Variants in ZNF561 observed in about 807,000 individuals in gnomAD.
ZNF561 encodes zinc finger protein 561.
ZNF561 carries 16 observed loss-of-function variants against 16.7 expected under a neutral mutation model. That is an observed-to-expected ratio of 0.96 (90% CI 0.65 to 1.45). The LOEUF (loss-of-function observed/expected upper bound fraction) is 1.45. Among genes scored for constraint, ZNF561 ranks in the 40% most tolerant of loss-of-function variants. The pLI is 0.00. For synonymous variants in ZNF561, 190 were observed against 192.1 expected, an observed-to-expected ratio of 0.99 and a Z score of 0.09; for missense variants, 580 against 578.0, an observed-to-expected ratio of 1.00 and a Z score of -0.04.
At chr19:9,617,609 T>G in intron 3 of ZNF561, 1 of 453,606 alleles carries the variant, frequency 2.2e-6, no homozygotes, top group Admixed American at 2.4e-5. Flanking sequence ...TGGGCTGAAG[T>G]GGTCCTCTCA....
intron 2 of ZNF561, among the ~76,000 whole-genome samples, chr19:9,618,725 C>CA (rs879286327): frequency 1.5e-3 from 199 of 130,998 alleles, no homozygotes; most frequent in Middle Eastern, 3.9e-3. Flanking sequence ...GACTCCGTCT[C>CA]AAAAAAAAAA....
In ZNF561 at chr19:9,611,278, C is replaced by T; in HGVS notation, c.383G>A (p.Arg128Lys). Residue 128 changes from arginine (R) to lysine (K), a missense_variant, in exon 6 of 6, where the codon AGG (arginine) becomes AAG (lysine). By Grantham distance (26) the Arg-to-Lys change is conservative. Coordinates refer to ENST00000302851, the MANE Select transcript of ZNF561 (RefSeq NM_152289.3). ...GTGTGTCTTAAGGCAAAACTGTTCC[C>T]TGAAGACCTCTCCACAATTCTTACA... ...CDCKNCGEVFREQFCLKTHMR... is the reference protein window; with the variant it reads ...CDCKNCGEVFKEQFCLKTHMR... 1.2e-6 allele frequency: 2 copies of T among 1,613,950 alleles called. No individual in the cohort carries two copies. The highest frequency in any genetic ancestry group is 1.6e-4 in the Middle Eastern group (1 of 6,062).
Position 9,607,669 on chromosome 19 carries a change from T to G in ZNF561, c.*2531A>C, listed in dbSNP as rs1273208421. ...TTGGTGGTGTGCTGGAGGTTGAAATTAGTCCAGTAAAGCAAGAAAATATAT... is the reference window on the plus strand; with the variant it reads ...TTGGTGGTGTGCTGGAGGTTGAAATGAGTCCAGTAAAGCAAGAAAATATAT... On this transcript the variant is annotated 3_prime_UTR_variant, in exon 6 of 6. Coordinates refer to ENST00000302851, the MANE Select transcript of ZNF561 (RefSeq NM_152289.3). 1.2e-4 allele frequency: 19 copies of G among 152,274 alleles called. No individual in the cohort carries two copies. The highest frequency in any genetic ancestry group is 4.4e-5 in the Non-Finnish European group (3 of 68,030). The allele number at this position is 152,274 out of a possible 1,614,324, so 9.4% of individuals were successfully genotyped here. A position where few individuals can be genotyped will look rare whatever the true frequency, so the allele number is the denominator to read the frequency against.
intron 4 of ZNF561, 135 bp from the exon 5 acceptor site, chr19:9,614,238 C>T (rs1012324199): frequency 2.8e-6 from 3 of 1,073,084 alleles, no homozygotes; most frequent in Non-Finnish European, 2.7e-6. Flanking sequence ...TTTGGTACAT[C>T]AAAAATTTGG....
rs1310283345 is a variant in ZNF561 at position 9,611,146 on chromosome 19, T to A, written c.515A>T (p.Asn172Ile). 1.2e-6 allele frequency: 2 copies of A among 1,613,870 alleles called. No homozygotes were observed. The highest frequency in any genetic ancestry group is 1.7e-6 in the Non-Finnish European group (2 of 1,179,898). Reference sequence around the variant, plus strand: ...TAGAGTAAAGACTTTTCCACATGGATTAAATTTGGAAAGTTCCTGTCCAGT... The same window carrying A: ...TAGAGTAAAGACTTTTCCACATGGAATAAATTTGGAAAGTTCCTGTCCAGT... ...ASTGQELSKF[N>I]PCGKVFTLTP... Residue 172 changes from asparagine to isoleucine, a missense_variant, in exon 6 of 6, where the codon AAT becomes ATT. By Grantham distance (149) the Asn-to-Ile change is moderately radical. Coordinates refer to ENST00000302851, the MANE Select transcript of ZNF561 (RefSeq NM_152289.3).
chr19:9,619,497 G>GT lies in ZNF561; in HGVS notation c.-42_-41insA. On this transcript the variant is annotated 5_prime_UTR_variant, in exon 2 of 6. Transcript: ENST00000302851. ...GTGTGATGATGTGCATCCCTTCCTT[G>GT]ATGCCAAGATCACCTCAGGCCAGCT... 6.2e-7 allele frequency: 1 copy of GT among 1,610,684 alleles called. No homozygotes were observed. Among genetic ancestry groups the GT allele is most frequent in the Non-Finnish European group, 8.5e-7 (1 of 1,177,604 alleles).
intron 4 of ZNF561, 170 bp downstream of exon 4, chr19:9,616,875 T>C: frequency 1.2e-6 from 1 of 820,042 alleles, no homozygotes; most frequent in Non-Finnish European, 1.8e-6. Context: ...ATTACAGGCA[T>C]GAGCCACTGC....
rs2074388152 is a variant in ZNF561 at position 9,608,401 on chromosome 19, C to G, written c.*1799G>C. On this transcript the variant is annotated 3_prime_UTR_variant, in exon 6 of 6. Coordinates refer to ENST00000302851, the MANE Select transcript of ZNF561 (RefSeq NM_152289.3). ...AAGAGAGCTCTCGCCAGAAGTTGAC[C>G]ATGCTGGCACTCTGATCTCAGACTT... 6.6e-6 allele frequency: 1 copy of G among 152,042 alleles called. No homozygotes were observed. Among genetic ancestry groups the G allele is most frequent in the Non-Finnish European group, 1.5e-5 (1 of 68,034 alleles). The allele number at this position is 152,042 out of a possible 1,614,324, so 9.4% of individuals were successfully genotyped here.
chr19:9,616,598 A>AT lies in ZNF561; in HGVS notation c.241+446dup, dbSNP rs34124483. Among the ~76,000 whole-genome samples the AT allele has an allele frequency of 4.4e-3, 628 of 141,222 alleles. 7 individuals carry two copies. The highest frequency in any genetic ancestry group is 5.3e-3 in the Non-Finnish European group (340 of 64,396). The allele number at this position is 141,222 out of a possible 152,430, so 92.6% of individuals were successfully genotyped here. On this transcript the variant is annotated intron_variant, in intron 4 of 5. Transcript: ENST00000302851. ...AACCGGCCTAGTCTTCATTTTTAGG[A>AT]TTTTTTTTTTTGAGATGGAGTCTCA...
Position 9,610,286 on chromosome 19 carries a change from C to A in ZNF561, c.1375G>T (p.Ala459Ser). 6.2e-7 allele frequency: 1 copy of A among 1,614,072 alleles called. No homozygotes were observed. The highest frequency in any genetic ancestry group is 8.5e-7 in the Non-Finnish European group (1 of 1,179,982). The change falls in exon 6 of 6, where the codon GCT becomes TCT. Residue 459 changes from alanine (A) to serine (S), a missense_variant. Ala to Ser is a moderately conservative substitution (Grantham distance 99, BLOSUM62 1). Transcript: ENST00000302851. Reference sequence around the variant, plus strand: ...TGTCTACTTAGGCGTGAGGAAACAGCAAATGCTTTCCCACATTCTTTACAT... The same window carrying A: ...TGTCTACTTAGGCGTGAGGAAACAGAAAATGCTTTCCCACATTCTTTACAT... ...FVCKECGKAF[A>S]VSSRLSRHER...
intron 5 of ZNF561, among the ~76,000 whole-genome samples, chr19:9,613,241 C>T (rs893329885): frequency 1.3e-5 from 2 of 152,180 alleles, no homozygotes; most frequent in Non-Finnish European, 2.9e-5. Context: ...TCCAGAGATC[C>T]TGCTCCCTCA....
rs760222068 is a variant in ZNF561 at position 9,610,544 on chromosome 19, C to T, written c.1117G>A (p.Ala373Thr). ...ATAAGACTTGTGGATGTAGTGAAGG[C>T]TTTCCCACATTCCTTACACTGATAG... is the stretch of plus-strand genomic sequence containing the variant. ...KPYQCKECGKAFTTSTSLIQH... is the reference protein window; with the variant it reads ...KPYQCKECGKTFTTSTSLIQH... Residue 373 changes from alanine to threonine, a missense_variant, in exon 6 of 6, where the codon GCC becomes ACC. Ala to Thr is a moderately conservative substitution (Grantham distance 58). Coordinates refer to ENST00000302851, the MANE Select transcript of ZNF561 (RefSeq NM_152289.3). The T allele has an allele frequency of 1.9e-6, 3 of 1,613,942 alleles. No homozygotes were observed. The East Asian group carries it at 6.7e-5, about 36-fold the overall frequency.
Position 9,610,665 on chromosome 19 carries a change from A to T in ZNF561, c.996T>A (p.Thr332=). 2 of 1,614,128 alleles carry T rather than the reference A, an allele frequency of 1.2e-6. No individual in the cohort carries two copies. Among genetic ancestry groups the T allele is most frequent in the Non-Finnish European group, 1.7e-6 (2 of 1,180,014 alleles). The change falls in exon 6 of 6, where the codon ACT becomes ACA. Residue 332 remains threonine, a synonymous_variant. Coordinates refer to ENST00000302851, the MANE Select transcript of ZNF561 (RefSeq NM_152289.3). ...TQLTEHVRTH[T]GIKPYECKEC... Reference sequence around the variant, plus strand: ...CCTTACATTCATAGGGTTTTATTCCAGTGTGAGTTCTTACATGTTCAGTAA... The same window carrying T: ...CCTTACATTCATAGGGTTTTATTCCTGTGTGAGTTCTTACATGTTCAGTAA...
chr19:9,608,826 T>TA lies in ZNF561; in HGVS notation c.*1373dup, dbSNP rs58392835. The TA allele has an allele frequency of 2.0e-5, 3 of 152,202 alleles. No homozygotes were observed. The highest frequency in any genetic ancestry group is 4.8e-5 in the African/African-American group (2 of 41,432). 9.4% of individuals were successfully genotyped at this position (152,202 alleles called of 1,614,324 possible). A position where few individuals can be genotyped will look rare whatever the true frequency, so the allele number is the denominator to read the frequency against. ...GTTATGTATCACTAAGATCTGTACT[T>TA]AAAGTGTTAAAGGACACAGGAAGCT... On this transcript the variant is annotated 3_prime_UTR_variant, in exon 6 of 6. Transcript: ENST00000302851.
At position 9,610,874 on chromosome 19, in the gene ZNF561, T is replaced by C. The variant is rs2074439579; in HGVS notation, c.787A>G (p.Thr263Ala). The C allele has an allele frequency of 6.2e-7, 1 of 1,614,160 alleles. No homozygotes were observed. The highest frequency in any genetic ancestry group is 8.5e-7 in the Non-Finnish European group (1 of 1,180,010). The change falls in exon 6 of 6, where the codon ACT becomes GCT. Residue 263 changes from threonine to alanine, a missense_variant. Coordinates refer to ENST00000302851, the MANE Select transcript of ZNF561 (RefSeq NM_152289.3). ...KKTKKCGKSF[T>A]NFSQLYAPVK... Reference sequence around the variant, plus strand: ...GGTGCATAAAGTTGAGAAAAATTAGTGAAGGATTTCCCACATTTCTTAGTC... The same window carrying C: ...GGTGCATAAAGTTGAGAAAAATTAGCGAAGGATTTCCCACATTTCTTAGTC...
intron 4 of ZNF561, 191 bp from the exon 5 acceptor site, chr19:9,614,294 T>A (rs1030860714): frequency 1.7e-6 from 1 of 599,940 alleles, no homozygotes. Context: ...GTTTAGATAG[T>A]TTATTACAAA....
intron 5 of ZNF561, 56 bp from the exon 6 acceptor site, chr19:9,611,392 AC>A: frequency 6.7e-7 from 1 of 1,499,796 alleles, no homozygotes. Context: ...AAGAGATTTC[AC>A]CCATCTGAAC....
Position 9,611,156 on chromosome 19 carries a change from A to C in ZNF561, c.505T>G (p.Ser169Ala). The change falls in exon 6 of 6, where the codon TCC becomes GCC. Residue 169 changes from serine (S) to alanine (A), a missense_variant. Physicochemically the swap from Ser to Ala is moderately conservative, Grantham distance 99. Coordinates refer to ENST00000302851, the MANE Select transcript of ZNF561 (RefSeq NM_152289.3). ...HKEASTGQEL[S>A]KFNPCGKVFT... ...ACTTTTCCACATGGATTAAATTTGGAAAGTTCCTGTCCAGTAGAGGCTTCC... is the reference window on the plus strand; with the variant it reads ...ACTTTTCCACATGGATTAAATTTGGCAAGTTCCTGTCCAGTAGAGGCTTCC... The C allele has an allele frequency of 6.2e-7, 1 of 1,614,032 alleles. No homozygotes were observed. The highest frequency in any genetic ancestry group is 1.3e-5 in the African/African-American group (1 of 75,062).
intron 5 of ZNF561, among the ~76,000 whole-genome samples, chr19:9,612,842 G>A (rs1381837954): frequency 6.6e-6 from 1 of 152,138 alleles, no homozygotes; most frequent in African/African-American, 2.4e-5. Flanking sequence ...TGTCACCCAG[G>A]CTGGGTACCA....
Sources: gnomAD v4.1 joint callset for allele counts (sites outside exome capture counted in the v4.1 genomes callset) on GRCh38, gnomAD v4.1.1 for gene constraint, MANE v1.5 for transcripts, NCBI Gene and HGNC (gene_info 2026-07-23, HGNC 2026-07-21) for gene names.